Variants in HAPSTR1 observed in about 807,000 individuals in gnomAD.
HAPSTR1 encodes HUWE1 associated protein modifying stress responses.
At chr16:9,116,573 A>G in the HAPSTR1 span, 1 of 1,468,148 alleles carries the variant, frequency 6.8e-7, no homozygotes, top group South Asian at 1.3e-5. Context: ...ATAGGCAGAC[A>G]TGCTTTGACA....
At chr16:9,110,510 A>G in the HAPSTR1 span, 1 of 152,196 alleles carries the variant, frequency 6.6e-6, no homozygotes, top group Non-Finnish European at 1.5e-5. Flanking sequence ...CTTTGGCCCT[A>G]TGCATGCCAG....
chr16:9,115,099 G>A, the HAPSTR1 span, among the ~76,000 whole-genome samples: 1 of 152,148 alleles, frequency 6.6e-6, no homozygotes, highest in Non-Finnish European at 1.5e-5. Context: ...CCTCAGAAGG[G>A]AGGTGTGGCC....
At chr16:9,104,179 A>G in the HAPSTR1 span, 2 of 143,944 alleles carry the variant, frequency 1.4e-5, no homozygotes, top group African/African-American at 2.6e-5. Flanking sequence ...CATTGGCGCG[A>G]TATTGGCTCA....
At chr16:9,094,069 C>G in the HAPSTR1 span, among the ~76,000 whole-genome samples, 1 of 151,992 alleles carries the variant, frequency 6.6e-6, no homozygotes. Context: ...TTAATTTTTG[C>G]ATAAGAATGT....
At chr16:9,095,624 CA>C in the HAPSTR1 span, among the ~76,000 whole-genome samples, 6 of 151,830 alleles carry the variant, frequency 4.0e-5, no homozygotes, top group African/African-American at 1.2e-4. Flanking sequence ...TCCTGACCTT[CA>C]TTAAGAAGGT....
chr16:9,099,903 A>C, the HAPSTR1 span, among the ~76,000 whole-genome samples: 3 of 152,220 alleles, frequency 2.0e-5, no homozygotes, highest in African/African-American at 7.2e-5. Flanking sequence ...GTAACTATTT[A>C]AAAAGGACTC....
the HAPSTR1 span, chr16:9,092,211 A>C: frequency 6.3e-7 from 1 of 1,588,184 alleles, no homozygotes; most frequent in African/African-American, 1.3e-5. Context: ...GAGCACAAGC[A>C]GCAGAAGCTG....
At chr16:9,116,211 C>G in the HAPSTR1 span, among the ~76,000 whole-genome samples, 3 of 152,164 alleles carry the variant, frequency 2.0e-5, no homozygotes, top group Admixed American at 6.5e-5. Flanking sequence ...AACAAGCCCA[C>G]CTAGGCCTGG....
chr16:9,097,774 A>G, the HAPSTR1 span, among the ~76,000 whole-genome samples: 1 of 152,212 alleles, frequency 6.6e-6, no homozygotes. Flanking sequence ...CACATCTTAG[A>G]GCCACTCAGT....
At chr16:9,108,552 C>T in the HAPSTR1 span, 1 of 152,128 alleles carries the variant, frequency 6.6e-6, no homozygotes, top group Non-Finnish European at 1.5e-5. Flanking sequence ...TCTACGACGT[C>T]GCCCCCACTA....
the HAPSTR1 span, chr16:9,092,006 C>T: frequency 6.8e-7 from 1 of 1,463,434 alleles, no homozygotes; most frequent in East Asian, 2.9e-5. Context: ...GAGGAGGACG[C>T]GGCGGCGGTG....
the HAPSTR1 span, chr16:9,109,972 G>C: frequency 2.0e-5 from 3 of 151,904 alleles, no homozygotes; most frequent in African/African-American, 7.3e-5. Flanking sequence ...TGAATACCAA[G>C]CACTGTTTAT....
the HAPSTR1 span, chr16:9,093,026 C>G: frequency 8.8e-6 from 14 of 1,596,292 alleles, no homozygotes; most frequent in South Asian, 1.1e-4. Flanking sequence ...GCTGCATTGC[C>G]GATTCAGGGA....
the HAPSTR1 span, chr16:9,093,036 A>G: frequency 1.9e-4 from 294 of 1,576,246 alleles, 1 homozygote; most frequent in African/African-American, 2.8e-3. Context: ...CGATTCAGGG[A>G]AGGGCCGCCT....
the HAPSTR1 span, among the ~76,000 whole-genome samples, chr16:9,093,566 C>A: frequency 6.6e-6 from 1 of 152,168 alleles, no homozygotes; most frequent in Non-Finnish European, 1.5e-5. Flanking sequence ...GTCATCTGCG[C>A]GCATGTTAAC....
the HAPSTR1 span, chr16:9,092,076 A>G: frequency 3.9e-6 from 6 of 1,536,940 alleles, no homozygotes; most frequent in Non-Finnish European, 5.3e-6. Flanking sequence ...GGCGAGGCCG[A>G]GATCCAGGAG....
At chr16:9,119,005 A>C in the HAPSTR1 span, 1 of 152,656 alleles carries the variant, frequency 6.6e-6, no homozygotes, top group African/African-American at 2.4e-5. Context: ...TGGTAAGAGA[A>C]AGCAGGTCTT....
the HAPSTR1 span, chr16:9,111,882 T>C: frequency 6.1e-5 from 9 of 147,960 alleles, no homozygotes; most frequent in Non-Finnish European, 1.3e-4. Context: ...AGTTATTTCA[T>C]AGTTGAGATC....
At chr16:9,105,614 CTGTT>C in the HAPSTR1 span, 6 of 152,170 alleles carry the variant, frequency 3.9e-5, no homozygotes, top group Non-Finnish European at 7.3e-5. Flanking sequence ...GAAGTGAAAA[CTGTT>C]AAGGTGCTCT....
Sources: allele counts gnomAD v4.1 joint callset (sites outside exome capture counted in the v4.1 genomes callset), GRCh38; gene constraint gnomAD v4.1.1; transcripts MANE v1.5; gene names NCBI Gene and HGNC (gene_info 2026-07-23, HGNC 2026-07-21).